Variants in TAF4B observed in about 807,000 individuals in gnomAD.
TAF4B encodes transcription initiation factor TFIID subunit 4B.
A neutral mutation model predicts 86.4 loss-of-function variants in TAF4B; 38 were observed. The observed-to-expected ratio is 0.44, with a 90% CI of 0.34 to 0.58. The LOEUF (loss-of-function observed/expected upper bound fraction) is 0.58, where lower values mean the gene tolerates loss of function less well. TAF4B is among the 20% of genes least tolerant of loss of function. The pLI is 0.02. For synonymous variants in TAF4B, 388 were observed against 391.2 expected (o/e 0.99, Z 0.10); for missense variants, 988 against 1,027.6 (o/e 0.96, Z 0.53).
chr18:26,277,154 C>T (rs1242470013), intron 5 of TAF4B, among the ~76,000 whole-genome samples: 1 of 152,220 alleles, frequency 6.6e-6, no homozygotes, highest in East Asian at 1.9e-4. Context: ...GTGAACAAGG[C>T]TCCCTGCTTT....
Position 26,355,081 on chromosome 18 carries a change from T to A in TAF4B, c.2317-2609T>A, listed in dbSNP as rs144857511. 1.3e-3 allele frequency among the ~76,000 whole-genome samples: 198 copies of A among 152,306 alleles called. 1 individual carries two copies. Among genetic ancestry groups the A allele is most frequent in the Non-Finnish European group, 2.3e-3 (159 of 68,028 alleles). ...ATTTCTTTCATAGGCATTTTGTGAT[T>A]TATAGTGTAGAAATACCTGTATGTG... On this transcript the variant is annotated intron_variant, in intron 13 of 14. Coordinates refer to ENST00000269142, the MANE Select transcript of TAF4B (RefSeq NM_005640.3).
intron 14 of TAF4B, among the ~76,000 whole-genome samples, chr18:26,374,581 G>C (rs1456268243): frequency 6.6e-6 from 1 of 152,188 alleles, no homozygotes; most frequent in Non-Finnish European, 1.5e-5. Context: ...ATCAATGAGT[G>C]TTGATTAACA....
At chr18:26,271,408 G>A (rs2056317363) in intron 3 of TAF4B, among the ~76,000 whole-genome samples, 1 of 152,172 alleles carries the variant, frequency 6.6e-6, no homozygotes, top group Non-Finnish European at 1.5e-5. Flanking sequence ...GACAGGTACA[G>A]AAAATGACCC....
chr18:26,374,752 T>A (rs542315087), intron 14 of TAF4B, among the ~76,000 whole-genome samples: 3 of 152,342 alleles, frequency 2.0e-5, no homozygotes, highest in Non-Finnish European at 4.4e-5. Flanking sequence ...ATGAATCTGC[T>A]TAGGTATACC....
intron 13 of TAF4B, among the ~76,000 whole-genome samples, chr18:26,351,202 CTTGTCA>C (rs1358758525): frequency 6.6e-6 from 1 of 152,042 alleles, no homozygotes; most frequent in Non-Finnish European, 1.5e-5. Flanking sequence ...AGAATGAAAT[CTTGTCA>C]TTTATGATAA....
chr18:26,320,984 C>A, intron 10 of TAF4B, 86 bp from the exon 11 acceptor site: 1 of 1,532,342 alleles, frequency 6.5e-7, no homozygotes, highest in Non-Finnish European at 8.9e-7. Context: ...GTATGACTTC[C>A]AGGGGGAACA....
intron 13 of TAF4B, among the ~76,000 whole-genome samples, chr18:26,349,717 A>G (rs1331340635): frequency 4.6e-5 from 7 of 152,220 alleles, no homozygotes; most frequent in Non-Finnish European, 1.0e-4. Context: ...GAAAATTCAT[A>G]TGGAACTGCA....
At chr18:26,379,064 G>A (rs2057461177) in intron 14 of TAF4B, among the ~76,000 whole-genome samples, 1 of 152,082 alleles carries the variant, frequency 6.6e-6, no homozygotes, top group South Asian at 2.1e-4. Context: ...ATACTTAGGA[G>A]TACTACTGTT....
Position 26,274,723 on chromosome 18 carries a change from A to C in TAF4B, c.658A>C (p.Thr220Pro). Residue 220 changes from threonine to proline, a missense_variant, in exon 4 of 15, where the codon ACT becomes CCT. By Grantham distance (38) the Thr-to-Pro change is conservative (BLOSUM62 -1). This residue lies in a region of TAF4B where 747 missense variants were observed against 737.9 expected (regional missense o/e 1.01). Coordinates refer to ENST00000269142, the MANE Select transcript of TAF4B (RefSeq NM_005640.3). The part of the protein sequence containing the change: ...VTPGKPLNTV[T>P]TLKPSSLGAS... Reference sequence around the variant, plus strand: ...TCCTGGAAAGCCATTGAATACTGTAACTACCCTGAAGCCTTCAAGTTTGGG... The same window carrying C: ...TCCTGGAAAGCCATTGAATACTGTACCTACCCTGAAGCCTTCAAGTTTGGG... 6.2e-7 allele frequency: 1 copy of C among 1,614,192 alleles called. No individual in the cohort carries two copies.
intron 1 of TAF4B, among the ~76,000 whole-genome samples, chr18:26,233,313 T>G (rs936041867): frequency 1.3e-5 from 2 of 151,912 alleles, no homozygotes; most frequent in Non-Finnish European, 2.9e-5. Flanking sequence ...AGAAAGTAAT[T>G]GAAAGAAGGG....
intron 9 of TAF4B, among the ~76,000 whole-genome samples, chr18:26,307,298 C>G (rs934298779): frequency 6.6e-6 from 1 of 151,982 alleles, no homozygotes; most frequent in Non-Finnish European, 1.5e-5. Context: ...ACTTTTTCTG[C>G]TAAGAAGATT....
At chr18:26,319,590 A>G (rs1381352498) in intron 10 of TAF4B, among the ~76,000 whole-genome samples, 1 of 27,466 alleles carries the variant, frequency 3.6e-5, no homozygotes, top group Non-Finnish European at 1.5e-4. Context: ...TTTTAGTTTA[A>G]TTTTTATTTT....
chr18:26,375,443 T>C (rs2057436081), intron 14 of TAF4B, among the ~76,000 whole-genome samples: 1 of 152,224 alleles, frequency 6.6e-6, no homozygotes, highest in African/African-American at 2.4e-5. Context: ...CTGGGTCATA[T>C]GGTGACTATG....
intron 14 of TAF4B, among the ~76,000 whole-genome samples, chr18:26,379,626 C>G (rs2057464733): frequency 6.6e-6 from 1 of 152,014 alleles, no homozygotes; most frequent in African/African-American, 2.4e-5. Context: ...TGTGAGTGTT[C>G]CAGCTTTGTC....
In TAF4B at chr18:26,234,152, G is replaced by A. The variant is rs182600882; in HGVS notation, c.343+6876G>A. Among the ~76,000 whole-genome samples the A allele has an allele frequency of 1.9e-3, 285 of 152,336 alleles. 2 individuals are homozygous for A. Among genetic ancestry groups the A allele is most frequent in the Middle Eastern group, 0.014 (4 of 294 alleles). ...TTCTGTTTCAGTCAGGGAATACTGG[G>A]GGTTAATCTCTTGGAGAGGGTTGTT... On this transcript the variant is annotated intron_variant, in intron 1 of 14. Coordinates refer to ENST00000269142, the MANE Select transcript of TAF4B (RefSeq NM_005640.3).
chr18:26,236,880 A>G (rs1329820773), intron 1 of TAF4B, among the ~76,000 whole-genome samples: 1 of 152,182 alleles, frequency 6.6e-6, no homozygotes, highest in East Asian at 1.9e-4. Flanking sequence ...AGCTGATTGC[A>G]TAATAAACTT....
chr18:26,256,115 C>A, intron 1 of TAF4B: 2 of 1,564,532 alleles, frequency 1.3e-6, no homozygotes, highest in South Asian at 2.2e-5. Context: ...GGGTCCAGCC[C>A]TTGCATCTAC....
At chr18:26,273,634 A>G (rs1253719094) in intron 3 of TAF4B, among the ~76,000 whole-genome samples, 1 of 152,082 alleles carries the variant, frequency 6.6e-6, no homozygotes, top group East Asian at 1.9e-4. Context: ...TCCTCAAGCA[A>G]TCCTCCTGGC....
At chr18:26,330,891 C>T (rs2057044638) in intron 12 of TAF4B, among the ~76,000 whole-genome samples, 1 of 152,230 alleles carries the variant, frequency 6.6e-6, no homozygotes, top group Admixed American at 6.5e-5. Context: ...GCTGACTCCT[C>T]TGTCTGCTAC....
Sources: gnomAD v4.1 joint callset for allele counts (sites outside exome capture counted in the v4.1 genomes callset) on GRCh38, gnomAD v4.1.1 for gene constraint, gnomAD v4.1.1 regional missense constraint, MANE v1.5 for transcripts, NCBI Gene and HGNC (gene_info 2026-07-23, HGNC 2026-07-21) for gene names.